The following GABRA3 variants were observed in gnomAD, a reference collection of about 807,000 sequenced individuals.
The protein encoded by GABRA3 is gamma-aminobutyric acid receptor subunit alpha-3.
GABRA3 carries 10 observed loss-of-function variants against 30.1 expected under a neutral mutation model. That is an observed-to-expected ratio of 0.33 (90% CI 0.20 to 0.56). GABRA3 has a LOEUF of 0.56. GABRA3 is among the 20% of genes least tolerant of loss of function. The pLI, the probability that GABRA3 is intolerant of heterozygous loss-of-function variation, is 0.89. For missense variants in GABRA3, 233 were observed against 392.0 expected (o/e 0.59, Z 3.42); for synonymous variants, 151 against 146.8 (o/e 1.03, Z -0.21).
At chrX:152,391,633 T>C (rs1007747287) in intron 1 of GABRA3, among the ~76,000 whole-genome samples, 12 of 111,351 alleles carry the variant, frequency 1.1e-4, no homozygotes, top group Non-Finnish European at 3.8e-5. Context: ...CAGGTGGAAA[T>C]AGAATAGTAG....
chrX:152,249,478 T>C (rs914355208), intron 5 of GABRA3, among the ~76,000 whole-genome samples: 3 of 111,459 alleles, frequency 2.7e-5, no homozygotes, highest in Non-Finnish European at 3.8e-5. Context: ...GTAGTTGTCA[T>C]TAGGATTATC....
At chrX:152,178,292 C>T (rs1378585955) in intron 9 of GABRA3, among the ~76,000 whole-genome samples, 4 of 109,802 alleles carry the variant, frequency 3.6e-5, no homozygotes, top group Admixed American at 2.0e-4. Context: ...GTGTTTCAAT[C>T]GAGACTATGA....
In GABRA3 at chrX:152,199,855, T is replaced by TAACACAC. The variant is rs1010020570; in HGVS notation, c.779-2077_779-2071dup. ...TGTCTCACATTTACACACACACACA[T>TAACACAC]AACACACACAAAATCAATCAATCAG... On this transcript the variant is annotated intron_variant, in intron 7 of 9. Transcript: ENST00000370314. 2.7e-5 allele frequency among the ~76,000 whole-genome samples: 3 copies of TAACACAC among 109,261 alleles called. No homozygotes were observed. In the Admixed American group the frequency reaches 2.9e-4, roughly 11 times the overall value. 94.9% of individuals were successfully genotyped at this position (109,261 alleles called of 115,157 possible). A position where few individuals can be genotyped will look rare whatever the true frequency, so the allele number is the denominator to read the frequency against.
intron 2 of GABRA3, among the ~76,000 whole-genome samples, chrX:152,362,062 A>G (rs1261133888): frequency 9.0e-6 from 1 of 111,226 alleles, no homozygotes; most frequent in Non-Finnish European, 1.9e-5. Context: ...GAACAAAAAG[A>G]GTCTTATATA....
intron 1 of GABRA3, among the ~76,000 whole-genome samples, chrX:152,440,657 T>A (rs1203954132): frequency 8.9e-6 from 1 of 112,258 alleles, no homozygotes; most frequent in East Asian, 2.8e-4. Flanking sequence ...GTGTGGCATA[T>A]ATTCACCACA....
chrX:152,255,748 T>C (rs779364987), intron 5 of GABRA3, 30 bp downstream of exon 5: 1 of 1,158,427 alleles, frequency 8.6e-7, no homozygotes, highest in Admixed American at 2.2e-5. Context: ...ACTCCCAATA[T>C]ACTTTGGGTG....
At position 152,167,288 on chromosome X, in the gene GABRA3, A is replaced by C. The variant is rs1414831036; in HGVS notation, c.*940T>G. On this transcript the variant is annotated 3_prime_UTR_variant, in exon 10 of 10. Coordinates refer to ENST00000370314, the MANE Select transcript of GABRA3 (RefSeq NM_000808.4). ...ACCATCCACTCCAAACCTCTTACCC[A>C]ATCCAGTATAGGCTAGTTGCCTTGG... 1 of 112,004 alleles carries C rather than the reference A, an allele frequency of 8.9e-6. No individual in the cohort carries two copies. The highest frequency in any genetic ancestry group is 3.3e-5 in the African/African-American group (1 of 30,769). 9.2% of individuals were successfully genotyped at this position (112,004 alleles called of 1,213,427 possible). A position where few individuals can be genotyped will look rare whatever the true frequency, so the allele number is the denominator to read the frequency against.
intron 5 of GABRA3, among the ~76,000 whole-genome samples, chrX:152,242,489 G>A (rs149130003): frequency 0.03 from 3,379 of 111,613 alleles, 141 homozygotes; most frequent in Admixed American, 0.16. Context: ...CCTATGGAAC[G>A]GGAGAAAATA....
rs1286452956 is a variant in GABRA3 at position 152,215,054 on chromosome X, A to ATT, written c.635-6912_635-6911dup. ...TGTGTATGGATATATATATATATATATTTTTTTATATGATTATGTCATCTG... is the reference window on the plus strand; with the variant it reads ...TGTGTATGGATATATATATATATATATTTTTTTTTATATGATTATGTCATCTG... On this transcript the variant is annotated intron_variant, in intron 6 of 9. Transcript: ENST00000370314. Among the ~76,000 whole-genome samples the ATT allele has an allele frequency of 2.2e-3, 220 of 100,601 alleles. 2 individuals are homozygous for ATT. Among genetic ancestry groups the ATT allele is most frequent in the African/African-American group, 7.3e-3 (202 of 27,521 alleles). 87.4% of individuals were successfully genotyped at this position (100,601 alleles called of 115,157 possible).
intron 1 of GABRA3, among the ~76,000 whole-genome samples, chrX:152,387,634 C>T (rs1391984383): frequency 2.7e-5 from 3 of 111,307 alleles, no homozygotes; most frequent in Non-Finnish European, 5.7e-5. Flanking sequence ...AAGTCCTATG[C>T]ACAGTTGAAT....
At chrX:152,250,302 G>C (rs771203229) in intron 5 of GABRA3, among the ~76,000 whole-genome samples, 1 of 111,327 alleles carries the variant, frequency 9.0e-6, no homozygotes, top group East Asian at 2.8e-4. Context: ...CATGACCTGT[G>C]CCTTATTTAT....
At chrX:152,403,524 ATGTGTGTGTGCT>A (rs1409741541) in intron 1 of GABRA3, among the ~76,000 whole-genome samples, 4 of 103,937 alleles carry the variant, frequency 3.8e-5, no homozygotes, top group South Asian at 4.9e-4. Context: ...CTTCCATAAA[ATGTGTGTGTGCT>A]TGTGTGTGTG....
At chrX:152,363,159 C>CA (rs1569408479) in intron 2 of GABRA3, among the ~76,000 whole-genome samples, 1 of 110,979 alleles carries the variant, frequency 9.0e-6, no homozygotes, top group East Asian at 2.8e-4. Flanking sequence ...GTGCCTAGAA[C>CA]AAAACAAGGA....
In GABRA3 at chrX:152,421,805, C is replaced by G. The variant is rs1930379716; in HGVS notation, c.-27+29341G>C. ...TAGCATATGAAATTATGATCAATCT[C>G]AAAAGTCATCAGGGAAATGTAAATC... On this transcript the variant is annotated intron_variant, in intron 1 of 9. Coordinates refer to ENST00000370314, the MANE Select transcript of GABRA3 (RefSeq NM_000808.4). Among the ~76,000 whole-genome samples the G allele has an allele frequency of 2.7e-5, 3 of 111,430 alleles. No individual in the cohort carries two copies. The South Asian group carries it at 1.1e-3, about 41-fold the overall frequency.
At chrX:152,187,832 CTA>C (rs1399213253) in intron 9 of GABRA3, among the ~76,000 whole-genome samples, 1 of 112,202 alleles carries the variant, frequency 8.9e-6, no homozygotes, top group African/African-American at 3.2e-5. Context: ...TGAAGACAAA[CTA>C]TCATGCGATT....
At chrX:152,224,936 G>A (rs1002266574) in intron 5 of GABRA3, 91 bp from the exon 6 acceptor site, 2 of 608,116 alleles carry the variant, frequency 3.3e-6, no homozygotes, top group Non-Finnish European at 5.2e-6. Flanking sequence ...TAAGAATAAC[G>A]AGATTTTTGT....
chrX:152,168,487 A>C lies in GABRA3; in HGVS notation c.1220T>G (p.Leu407Arg). Residue 407 changes from leucine (L) to arginine (R), a missense_variant, in exon 10 of 10, where the codon CTG (leucine) becomes CGG (arginine). Physicochemically the swap from Leu to Arg is moderately radical, Grantham distance 102 (BLOSUM62 -2). This residue lies in a region of GABRA3 where 66 missense variants were observed against 57.1 expected (regional missense o/e 1.16). Transcript: ENST00000370314. Reference sequence around the variant, plus strand: ...GGTGGAAAATTCAGTGTCCTTGGCCAGGTTGATGGGATAGGTGGTCCCCAC... The same window carrying C: ...GGTGGAAAATTCAGTGTCCTTGGCCCGGTTGATGGGATAGGTGGTCCCCAC... The part of the protein sequence containing the change: ...NIVGTTYPIN[L>R]AKDTEFSTIS... 1 of 1,211,421 alleles carries C rather than the reference A, an allele frequency of 8.3e-7. No individual in the cohort carries two copies. The highest frequency in any genetic ancestry group is 1.1e-6 in the Non-Finnish European group (1 of 895,042).
intron 3 of GABRA3, among the ~76,000 whole-genome samples, chrX:152,304,180 C>T (rs1254884431): frequency 1.8e-5 from 2 of 111,033 alleles, no homozygotes; most frequent in Admixed American, 9.5e-5. Flanking sequence ...ATTTAAGTTC[C>T]TTATAGCATA....
intron 7 of GABRA3, among the ~76,000 whole-genome samples, chrX:152,206,365 A>G (rs1240417610): frequency 2.7e-5 from 3 of 111,827 alleles, no homozygotes; most frequent in Non-Finnish European, 5.7e-5. Flanking sequence ...TTGAAGCAGG[A>G]GGCCGGCTTC....
Sources: gnomAD v4.1 joint callset for allele counts (sites outside exome capture counted in the v4.1 genomes callset) on GRCh38, gnomAD v4.1.1 for gene constraint, gnomAD v4.1.1 regional missense constraint, MANE v1.5 for transcripts, NCBI Gene and HGNC (gene_info 2026-07-23, HGNC 2026-07-21) for gene names.